UBR3: variants seen among roughly 807,000 people sequenced by gnomAD.
The protein encoded by UBR3 is ubiquitin protein ligase E3 component n-recognin 3.
A neutral mutation model predicts 243.2 loss-of-function variants in UBR3; 85 were observed. That is an observed-to-expected ratio of 0.35 (90% CI 0.29 to 0.42). UBR3 has a LOEUF of 0.42. UBR3 is among the 10% of genes least tolerant of loss of function. The pLI, the probability that UBR3 is intolerant of heterozygous loss-of-function variation, is 1.00. For missense variants in UBR3, 1,686 were observed against 2,300.8 expected (o/e 0.73, Z 5.47); for synonymous variants, 748 against 799.8 (o/e 0.94, Z 1.09).
chr2:169,936,287 G>A (rs1292324562), intron 19 of UBR3, among the ~76,000 whole-genome samples: 4 of 152,026 alleles, frequency 2.6e-5, no homozygotes, highest in Non-Finnish European at 2.9e-5. Context: ...TCGAACTCCC[G>A]ACCTCAGGTG....
At position 169,836,039 on chromosome 2, in the gene UBR3, CTCTCTATATATA is replaced by C. The variant is rs1354616025; in HGVS notation, c.545+7989_545+8000del. On this transcript the variant is annotated intron_variant, in intron 1 of 38. Transcript: ENST00000272793. The stretch of plus-strand genomic sequence containing the variant: ...TCTCTCTCTCTCTCTCTCTCTCTCT[CTCTCTATATATA>C]TATATATATATATATATTTTTTTTT... 2.1e-3 allele frequency among the ~76,000 whole-genome samples: 21 copies of C among 9,952 alleles called. 1 individual carries two copies. The highest frequency in any genetic ancestry group is 3.1e-3 in the Non-Finnish European group (18 of 5,858). The allele number at this position is 9,952 out of a possible 152,430, so 6.5% of individuals were successfully genotyped here. A position where few individuals can be genotyped will look rare whatever the true frequency, so the allele number is the denominator to read the frequency against.
At chr2:169,920,598 T>C (rs1456165265) in intron 11 of UBR3, among the ~76,000 whole-genome samples, 1 of 152,184 alleles carries the variant, frequency 6.6e-6, no homozygotes, top group Non-Finnish European at 1.5e-5. Flanking sequence ...CCTGAGTGTA[T>C]GTGCCTCATT....
intron 23 of UBR3, among the ~76,000 whole-genome samples, chr2:169,952,916 G>A (rs973159638): frequency 2.0e-5 from 3 of 152,076 alleles, no homozygotes; most frequent in Admixed American, 2.0e-4. Flanking sequence ...AAATTAGAAG[G>A]TTGAAAATGA....
intron 5 of UBR3, among the ~76,000 whole-genome samples, chr2:169,879,842 A>G (rs1035964327): frequency 2.0e-5 from 3 of 152,194 alleles, no homozygotes; most frequent in African/African-American, 7.2e-5. Flanking sequence ...TGAGAATCAT[A>G]TTGTTACAAT....
intron 1 of UBR3, among the ~76,000 whole-genome samples, chr2:169,844,747 C>T (rs901154425): frequency 3.9e-5 from 6 of 152,126 alleles, no homozygotes; most frequent in African/African-American, 1.2e-4. Flanking sequence ...TCTGCTACGT[C>T]GGCCTCTCAA....
intron 1 of UBR3, among the ~76,000 whole-genome samples, chr2:169,848,881 G>T (rs2082570780): frequency 6.6e-6 from 1 of 151,960 alleles, no homozygotes; most frequent in South Asian, 2.1e-4. Context: ...TGGGAAACAT[G>T]CAAGGGGAGA....
At chr2:169,838,668 G>A (rs1211047866) in intron 1 of UBR3, among the ~76,000 whole-genome samples, 1 of 151,906 alleles carries the variant, frequency 6.6e-6, no homozygotes, top group Non-Finnish European at 1.5e-5. Context: ...TCTGCCCCTC[G>A]CCCCCAAAAA....
rs187171748 is a variant in UBR3, at chr2:169,983,706, C to T, written c.3635-2939C>T. ...GGAGTGGAGAATTGGGGCCATCTTG[C>T]GGTCATTTGGCTAAGTGTAATAGCA... On this transcript the variant is annotated intron_variant, in intron 24 of 38. Coordinates refer to ENST00000272793, the MANE Select transcript of UBR3 (RefSeq NM_172070.4). 1.5e-3 allele frequency among the ~76,000 whole-genome samples: 230 copies of T among 152,182 alleles called. 1 individual carries two copies. Among genetic ancestry groups the T allele is most frequent in the Admixed American group, 2.6e-3 (40 of 15,290 alleles).
Position 169,872,244 on chromosome 2 carries a change from A to G in UBR3, c.554A>G (p.Lys185Arg). The G allele has an allele frequency of 6.6e-7, 1 of 1,520,336 alleles. No individual in the cohort carries two copies. The highest frequency in any genetic ancestry group is 8.8e-7 in the Non-Finnish European group (1 of 1,134,048). The allele number at this position is 1,520,336 out of a possible 1,614,324, so 94.2% of individuals were successfully genotyped here. The change falls in exon 2 of 39, where the codon AAA (lysine) becomes AGA (arginine). Residue 185 changes from lysine (K) to arginine (R), a missense_variant. Physicochemically the swap from Lys to Arg is conservative, Grantham distance 26 (BLOSUM62 2). Transcript: ENST00000272793. ...SNVMRESGFC[K>R]RHQIKSSSNI... ...TCTTTTTCATATTACAGGTTTTGCAAAAGGCATCAAATTAAATCAAGTTCA... is the reference window on the plus strand; with the variant it reads ...TCTTTTTCATATTACAGGTTTTGCAGAAGGCATCAAATTAAATCAAGTTCA...
rs376796163 is a variant in UBR3, at chr2:169,855,278, A to G, written c.546-16958A>G. On this transcript the variant is annotated intron_variant, in intron 1 of 38. Transcript: ENST00000272793. Reference sequence around the variant, plus strand: ...AATTTTTGCCAGATTGTTCTCATATATAATACGCTAATTTGTACTCCTTCC... The same window carrying G: ...AATTTTTGCCAGATTGTTCTCATATGTAATACGCTAATTTGTACTCCTTCC... Among the ~76,000 whole-genome samples, 34 of 152,356 alleles carry G rather than the reference A, an allele frequency of 2.2e-4. No individual in the cohort carries two copies. The South Asian group carries it at 7.0e-3, about 32-fold the overall frequency.
intron 23 of UBR3, among the ~76,000 whole-genome samples, chr2:169,957,492 C>T (rs1013667064): frequency 4.8e-5 from 7 of 144,992 alleles, no homozygotes; most frequent in African/African-American, 1.3e-4. Flanking sequence ...TGTTCTCACT[C>T]ATAGGTGGGA....
intron 33 of UBR3, among the ~76,000 whole-genome samples, chr2:170,058,617 T>C (rs201970395): frequency 6.6e-6 from 1 of 151,728 alleles, no homozygotes; most frequent in Non-Finnish European, 1.5e-5. Context: ...CTGGGCTCAA[T>C]TGATCCTCCC....
intron 11 of UBR3, among the ~76,000 whole-genome samples, chr2:169,919,497 G>A (rs13011559): frequency 0.42 from 64,029 of 151,672 alleles, 15,056 homozygotes; most frequent in Non-Finnish European, 0.54. Flanking sequence ...CTGGACAGCA[G>A]AAGAAACTAC....
chr2:169,941,513 G>A (rs1332642162), intron 19 of UBR3, among the ~76,000 whole-genome samples: 4 of 152,176 alleles, frequency 2.6e-5, no homozygotes, highest in African/African-American at 9.7e-5. Context: ...AACTGAAACT[G>A]TGGAAAGTGA....
chr2:169,909,159 A>G (rs1284032580), intron 10 of UBR3, among the ~76,000 whole-genome samples: 1 of 152,220 alleles, frequency 6.6e-6, no homozygotes, highest in Non-Finnish European at 1.5e-5. Context: ...GGCTGGAACC[A>G]CAGAGTAAAC....
At chr2:170,001,052 G>A (rs1448605092) in intron 26 of UBR3, among the ~76,000 whole-genome samples, 2 of 152,160 alleles carry the variant, frequency 1.3e-5, no homozygotes, top group South Asian at 2.1e-4. Flanking sequence ...AGCGGACAAA[G>A]GCTAGTTCAT....
intron 1 of UBR3, among the ~76,000 whole-genome samples, chr2:169,866,862 T>TA (rs1559037858): frequency 1.3e-5 from 2 of 152,324 alleles, no homozygotes; most frequent in East Asian, 3.9e-4. Flanking sequence ...TGCACTGTAA[T>TA]CTGCTGACCT....
rs2091928492 is a variant in UBR3 at position 170,082,876 on chromosome 2, A to C, written c.*1033A>C. ...AAAAGGCGCAGTGGTGATGACCCTC[A>C]TGAATGAGCCACGCTTCTGCATTCT... On this transcript the variant is annotated 3_prime_UTR_variant, in exon 39 of 39. Transcript: ENST00000272793. The C allele has an allele frequency of 6.6e-6, 1 of 152,484 alleles. No individual in the cohort carries two copies. The highest frequency in any genetic ancestry group is 2.4e-5 in the African/African-American group (1 of 41,460). The allele number at this position is 152,484 out of a possible 1,614,324, so 9.4% of individuals were successfully genotyped here. A position where few individuals can be genotyped will look rare whatever the true frequency, so the allele number is the denominator to read the frequency against.
At chr2:169,883,706 A>G (rs769050093) in intron 5 of UBR3, among the ~76,000 whole-genome samples, 32 of 152,256 alleles carry the variant, frequency 2.1e-4, no homozygotes, top group Non-Finnish European at 3.7e-4. Flanking sequence ...AAAAAATACA[A>G]CTGATAAAGT....
Sources: allele counts gnomAD v4.1 joint callset (sites outside exome capture counted in the v4.1 genomes callset), GRCh38; gene constraint gnomAD v4.1.1; transcripts MANE v1.5; gene names NCBI Gene and HGNC (gene_info 2026-07-23, HGNC 2026-07-21).